The following COL4A4 variants were observed in gnomAD, a reference collection of about 807,000 sequenced individuals.
COL4A4 encodes collagen alpha-4(IV) chain.
In COL4A4, 105 loss-of-function variants were observed where a neutral mutation model predicts 192.9. That is an observed-to-expected ratio of 0.54 (90% CI 0.46 to 0.64). The LOEUF is 0.64. Ranked by LOEUF, COL4A4 falls within the 30% of genes least tolerant of loss-of-function variation. The pLI is 0.00. For synonymous variants in COL4A4, 762 were observed against 769.9 expected (o/e 0.99, Z 0.17); for missense variants, 1,967 against 2,169.3 (o/e 0.91, Z 1.85).
At chr2:227,074,843 G>C (rs1249801228) in intron 25 of COL4A4, among the ~76,000 whole-genome samples, 1 of 152,130 alleles carries the variant, frequency 6.6e-6, no homozygotes, top group Non-Finnish European at 1.5e-5. Flanking sequence ...CGAGTGGGAG[G>C]TAAGTGATGA....
At chr2:227,001,217 C>A (rs1373136406), downstream of COL4A4, among the ~76,000 whole-genome samples, 1 of 152,040 alleles carries the variant, frequency 6.6e-6, no homozygotes, top group African/African-American at 2.4e-5. Flanking sequence ...GCCTCAGCCT[C>A]CCAAGTAGCT....
chr2:227,026,493 C>T (rs1186123402), intron 42 of COL4A4, among the ~76,000 whole-genome samples: 1 of 146,318 alleles, frequency 6.8e-6, no homozygotes, highest in African/African-American at 2.6e-5. Context: ...AGCGAGACTC[C>T]GTCTCAAAAA....
At chr2:227,096,033 C>T (rs746199382) in intron 19 of COL4A4, among the ~76,000 whole-genome samples, 5 of 152,276 alleles carry the variant, frequency 3.3e-5, no homozygotes, top group East Asian at 1.9e-4. Context: ...ATGGCCATCA[C>T]GGGAGCTCTG....
chr2:227,127,525 T>C (rs1474065529), intron 4 of COL4A4, among the ~76,000 whole-genome samples: 15 of 152,218 alleles, frequency 9.9e-5, no homozygotes, highest in African/African-American at 3.4e-4. Context: ...AAGTCTAGAA[T>C]GTCTCTTGAA....
Position 227,127,699 on chromosome 2 carries a change from A to G in COL4A4, c.193-6551T>C, listed in dbSNP as rs565781067. 1.8e-4 allele frequency among the ~76,000 whole-genome samples: 28 copies of G among 152,322 alleles called. 1 individual carries two copies. The South Asian group carries it at 5.8e-3, about 32-fold the overall frequency. On this transcript the variant is annotated intron_variant, in intron 4 of 47. Transcript: ENST00000396625. Reference sequence around the variant, plus strand: ...GGGACCAAAACATATGGGGAATGACAAAAATCTAAGAAATCGTTTGTCATT... The same window carrying G: ...GGGACCAAAACATATGGGGAATGACGAAAATCTAAGAAATCGTTTGTCATT...
intron 6 of COL4A4, among the ~76,000 whole-genome samples, 159 bp downstream of exon 6, chr2:227,119,736 C>T (rs958764172): frequency 4.7e-5 from 7 of 147,886 alleles, no homozygotes; most frequent in Admixed American, 1.4e-4. Flanking sequence ...ATATATATTA[C>T]GTTGCTTGTG....
At chr2:227,156,235 C>T (rs898177186) in intron 1 of COL4A4, among the ~76,000 whole-genome samples, 2 of 150,978 alleles carry the variant, frequency 1.3e-5, no homozygotes, top group African/African-American at 4.9e-5. Flanking sequence ...CACATCTCTA[C>T]AAAAAAACAA....
At chr2:227,113,091 T>C (rs957665391) in intron 8 of COL4A4, among the ~76,000 whole-genome samples, 1 of 152,230 alleles carries the variant, frequency 6.6e-6, no homozygotes, top group African/African-American at 2.4e-5. Flanking sequence ...GTGGAATTGC[T>C]GGATCATATA....
chr2:227,014,195 A>G (rs781082821), intron 44 of COL4A4, among the ~76,000 whole-genome samples: 1 of 152,170 alleles, frequency 6.6e-6, no homozygotes, highest in African/African-American at 2.4e-5. Flanking sequence ...CACAGGGCTA[A>G]ACAGTGCAAT....
chr2:227,007,785 T>C (rs990058202), intron 47 of COL4A4, among the ~76,000 whole-genome samples, 197 bp from the exon 48 acceptor site: 2 of 152,250 alleles, frequency 1.3e-5, no homozygotes, highest in African/African-American at 2.4e-5. Flanking sequence ...GTTTCACCGA[T>C]GGCTGAAGCA....
At chr2:227,059,137 C>T (rs906618080) in intron 28 of COL4A4, among the ~76,000 whole-genome samples, 56 of 152,168 alleles carry the variant, frequency 3.7e-4, no homozygotes, top group African/African-American at 1.3e-3. Context: ...TTGGCCTTTG[C>T]AGCACCAACA....
intron 37 of COL4A4, among the ~76,000 whole-genome samples, chr2:227,041,858 G>GAGAA (rs1971369833): frequency 1.0e-5 from 1 of 98,512 alleles, no homozygotes; most frequent in African/African-American, 4.8e-5. Flanking sequence ...GAGAAAGAAA[G>GAGAA]AAAGAAAGAA....
At chr2:227,138,549 C>T (rs907594674) in intron 4 of COL4A4, among the ~76,000 whole-genome samples, 13 of 151,532 alleles carry the variant, frequency 8.6e-5, no homozygotes, top group East Asian at 3.9e-4. Flanking sequence ...AGGAGAATGG[C>T]GTGAACCTGA....
downstream of COL4A4, among the ~76,000 whole-genome samples, chr2:227,000,419 C>G (rs1452892385): frequency 6.6e-6 from 1 of 152,230 alleles, no homozygotes; most frequent in Non-Finnish European, 1.5e-5. Context: ...GAACATCTTA[C>G]TCCTCATTAT....
chr2:227,160,373 C>T (rs564243160), intron 1 of COL4A4, among the ~76,000 whole-genome samples: 4 of 152,302 alleles, frequency 2.6e-5, no homozygotes, highest in South Asian at 4.2e-4. Flanking sequence ...AGCATGATCA[C>T]GTGATCCACT....
At position 227,051,069 on chromosome 2, in the gene COL4A4, T is replaced by G. The variant is rs1244937877; in HGVS notation, c.3058A>C (p.Lys1020Gln). Reference protein sequence around the residue: ...PGFHRGEPGEKGQPGPPGPPG... With the variant: ...PGFHRGEPGEQGQPGPPGPPG... ...GGTCCAGGAGGCCCTGGCTGACCTTTCTCACCAGGTTCCCCTCTGTGAAAT... is the reference window on the plus strand; with the variant it reads ...GGTCCAGGAGGCCCTGGCTGACCTTGCTCACCAGGTTCCCCTCTGTGAAAT... Residue 1020 changes from lysine (K) to glutamine (Q), a missense_variant, in exon 33 of 48, where the codon AAA becomes CAA. Lys to Gln is a moderately conservative substitution (Grantham distance 53, BLOSUM62 1). Coordinates refer to ENST00000396625, the MANE Select transcript of COL4A4 (RefSeq NM_000092.5). 6.2e-7 allele frequency: 1 copy of G among 1,614,152 alleles called. No homozygotes were observed. The highest frequency in any genetic ancestry group is 8.5e-7 in the Non-Finnish European group (1 of 1,180,026).
At chr2:227,143,275 C>T (rs544700804) in intron 3 of COL4A4, among the ~76,000 whole-genome samples, 3 of 152,330 alleles carry the variant, frequency 2.0e-5, no homozygotes, top group Admixed American at 6.5e-5. Context: ...ATACTGAACA[C>T]TACCCTGAAA....
intron 15 of COL4A4, 72 bp from the exon 16 acceptor site, chr2:227,101,981 T>G: frequency 9.0e-7 from 1 of 1,106,898 alleles, no homozygotes; most frequent in East Asian, 2.5e-5. Flanking sequence ...TGCATCATTT[T>G]TCACCTTATC....
At chr2:227,107,834 T>C (rs1268994242) in intron 12 of COL4A4, among the ~76,000 whole-genome samples, 1 of 148,926 alleles carries the variant, frequency 6.7e-6, no homozygotes, top group Non-Finnish European at 1.5e-5. Flanking sequence ...CTTGGCTCAC[T>C]GCAAGCTCCA....
Sources: gnomAD v4.1 joint callset for allele counts (sites outside exome capture counted in the v4.1 genomes callset) on GRCh38, gnomAD v4.1.1 for gene constraint, MANE v1.5 for transcripts, NCBI Gene and HGNC (gene_info 2026-07-23, HGNC 2026-07-21) for gene names.